Variants in SDCCAG8 observed in about 807,000 individuals in gnomAD.
SDCCAG8 encodes serologically defined colon cancer antigen 8.
A neutral mutation model predicts 101.8 loss-of-function variants in SDCCAG8; 74 were observed. That is an observed-to-expected ratio of 0.73 (90% CI 0.60 to 0.88). SDCCAG8 has a LOEUF of 0.88. Among genes scored for constraint, SDCCAG8 ranks in the 40% least tolerant of loss-of-function variants. The pLI is 0.00. For synonymous variants in SDCCAG8, 281 were observed against 292.9 expected (o/e 0.96, Z 0.41); for missense variants, 787 against 822.6 (o/e 0.96, Z 0.53).
intron 16 of SDCCAG8, among the ~76,000 whole-genome samples, chr1:243,482,314 G>A (rs1266755512): frequency 1.3e-5 from 2 of 152,056 alleles, no homozygotes; most frequent in East Asian, 1.9e-4. Flanking sequence ...TCAGAGGATC[G>A]CTGTTGGACC....
intron 16 of SDCCAG8, among the ~76,000 whole-genome samples, chr1:243,428,894 G>A (rs1245728767): frequency 2.6e-5 from 4 of 152,212 alleles, no homozygotes; most frequent in African/African-American, 7.2e-5. Context: ...TGAAAACGCT[G>A]TGTGGACTAA....
intron 13 of SDCCAG8, among the ~76,000 whole-genome samples, chr1:243,411,758 G>T (rs139630208): frequency 3.3e-5 from 5 of 152,224 alleles, no homozygotes; most frequent in Non-Finnish European, 5.9e-5. Context: ...GCTGTATGTG[G>T]CATTGTTCCT....
chr1:243,386,765 A>AAGAG (rs1388093217), intron 13 of SDCCAG8, among the ~76,000 whole-genome samples: 1 of 135,550 alleles, frequency 7.4e-6, no homozygotes, highest in African/African-American at 3.1e-5. Flanking sequence ...AAAAGAAAGA[A>AAGAG]AGTGAGAGAG....
At chr1:243,349,832 C>CT (rs563873668) in intron 12 of SDCCAG8, among the ~76,000 whole-genome samples, 3,264 of 140,814 alleles carry the variant, frequency 0.023, 96 homozygotes, top group African/African-American at 0.065. Context: ...AAGCGTCTTT[C>CT]TTTTTTTTTT....
chr1:243,335,608 A>G (rs2783970), intron 10 of SDCCAG8, among the ~76,000 whole-genome samples: 146,958 of 152,252 alleles, frequency 0.97, 71,132 homozygotes, highest in East Asian at 1. Context: ...GAAATGCAGC[A>G]CATTTTTTAT....
At chr1:243,370,555 T>C (rs571956072) in intron 12 of SDCCAG8, among the ~76,000 whole-genome samples, 2 of 152,258 alleles carry the variant, frequency 1.3e-5, no homozygotes, top group Admixed American at 1.3e-4. Context: ...TGGTGTAAAC[T>C]TGGCTTAGTC....
intron 16 of SDCCAG8, among the ~76,000 whole-genome samples, chr1:243,443,112 T>A (rs1003871018): frequency 1.3e-5 from 2 of 152,254 alleles, no homozygotes; most frequent in East Asian, 3.8e-4. Context: ...TCATTATCTT[T>A]GTGTAGAGGA....
intron 15 of SDCCAG8, among the ~76,000 whole-genome samples, chr1:243,425,685 A>G (rs2081294197): frequency 6.6e-6 from 1 of 152,192 alleles, no homozygotes; most frequent in African/African-American, 2.4e-5. Context: ...TAATACAAGG[A>G]AAGGAATATA....
rs766428496 is a variant in SDCCAG8, at chr1:243,256,064, C to T, written c.-110C>T. On this transcript the variant is annotated 5_prime_UTR_variant, in exon 1 of 18. Transcript: ENST00000366541. The stretch of plus-strand genomic sequence containing the variant: ...GGATTCTAGGCTCCCCTGTGACAGC[C>T]GCGGCAGGAAGCAGGCGGGCGCTCC... 1.2e-5 allele frequency: 12 copies of T among 1,005,586 alleles called. No individual in the cohort carries two copies. Among genetic ancestry groups the T allele is most frequent in the Admixed American group, 3.4e-5 (2 of 59,132 alleles). The allele number at this position is 1,005,586 out of a possible 1,614,324, so 62.3% of individuals were successfully genotyped here.
intron 13 of SDCCAG8, among the ~76,000 whole-genome samples, chr1:243,380,303 T>C (rs2077859715): frequency 6.6e-6 from 1 of 152,220 alleles, no homozygotes; most frequent in African/African-American, 2.4e-5. Context: ...CTTAGAAGTT[T>C]CAGAATTTAG....
chr1:243,386,196 A>G (rs2078276738), intron 13 of SDCCAG8, among the ~76,000 whole-genome samples: 1 of 152,342 alleles, frequency 6.6e-6, no homozygotes, highest in South Asian at 2.1e-4. Flanking sequence ...TGAGGCAACT[A>G]AGGCACAGAG....
chr1:243,437,948 C>T (rs1002855760), intron 16 of SDCCAG8, among the ~76,000 whole-genome samples: 1 of 152,224 alleles, frequency 6.6e-6, no homozygotes, highest in African/African-American at 2.4e-5. Context: ...GGTTTCCACC[C>T]ATTTCCCAGA....
At chr1:243,265,658 C>CA (rs1308691644) in intron 1 of SDCCAG8, among the ~76,000 whole-genome samples, 1 of 152,090 alleles carries the variant, frequency 6.6e-6, no homozygotes, top group Non-Finnish European at 1.5e-5. Flanking sequence ...ACTAAAAATA[C>CA]AAAAATTAGG....
intron 16 of SDCCAG8, among the ~76,000 whole-genome samples, chr1:243,473,540 A>C (rs957017453): frequency 2.0e-5 from 3 of 152,168 alleles, no homozygotes; most frequent in African/African-American, 4.8e-5. Flanking sequence ...TTTCTTTTTA[A>C]AGGCGAAGTG....
intron 10 of SDCCAG8, among the ~76,000 whole-genome samples, chr1:243,340,012 A>G (rs765019921): frequency 6.6e-6 from 1 of 152,270 alleles, no homozygotes; most frequent in Non-Finnish European, 1.5e-5. Context: ...ATAATTGGAA[A>G]CCAGAAACTA....
chr1:243,489,379 C>G (rs1205319865), intron 17 of SDCCAG8, among the ~76,000 whole-genome samples: 1 of 152,206 alleles, frequency 6.6e-6, no homozygotes, highest in Non-Finnish European at 1.5e-5. Flanking sequence ...CGCGAATCAA[C>G]GAACCACACC....
intron 16 of SDCCAG8, among the ~76,000 whole-genome samples, chr1:243,475,546 C>T (rs971870292): frequency 1.3e-5 from 2 of 152,154 alleles, no homozygotes; most frequent in African/African-American, 4.8e-5. Flanking sequence ...GAGAGACAAA[C>T]CCCTCGTCCG....
chr1:243,497,540 G>A (rs1414970344), intron 17 of SDCCAG8, among the ~76,000 whole-genome samples: 1 of 152,154 alleles, frequency 6.6e-6, no homozygotes, highest in African/African-American at 2.4e-5. Context: ...CAGGCCCACG[G>A]AATCAGGAGG....
chr1:243,477,905 G>T (rs928646118), intron 16 of SDCCAG8, among the ~76,000 whole-genome samples: 5 of 152,176 alleles, frequency 3.3e-5, no homozygotes, highest in African/African-American at 1.2e-4. Flanking sequence ...TACTGGTCTG[G>T]GATGAGGCAA....
Sources: gnomAD v4.1 joint callset for allele counts (sites outside exome capture counted in the v4.1 genomes callset) on GRCh38, gnomAD v4.1.1 for gene constraint, MANE v1.5 for transcripts, NCBI Gene and HGNC (gene_info 2026-07-23, HGNC 2026-07-21) for gene names.